The following RAB4A variants were observed in gnomAD, a reference collection of about 807,000 sequenced individuals.
RAB4A encodes the protein RAB4A, member RAS oncogene family.
Under a neutral mutation model 34.5 loss-of-function variants are expected in RAB4A, and 20 were observed. That is an observed-to-expected ratio of 0.58 (90% CI 0.41 to 0.84). The LOEUF is 0.84. RAB4A is among the 40% of genes least tolerant of loss of function. The pLI is 0.00. For missense variants in RAB4A, 228 were observed against 274.5 expected, an observed-to-expected ratio of 0.83 and a Z score of 1.20; for synonymous variants, 102 against 100.0, an observed-to-expected ratio of 1.02 and a Z score of -0.12.
At chr1:229,296,807 A>G (rs1657261772) in intron 4 of RAB4A, among the ~76,000 whole-genome samples, 1 of 152,230 alleles carries the variant, frequency 6.6e-6, no homozygotes, top group Non-Finnish European at 1.5e-5. Flanking sequence ...TTGCCCAGGC[A>G]GTGAAAGGCT....
Position 229,271,385 on chromosome 1 carries a change from C to T in RAB4A, c.31+15C>T. Reference sequence around the variant, plus strand: ...CGAAACCTACGGTACGAGGCCCGGGCTGGCGGGGCGCGCGGGTCGGGCCGC... The same window carrying T: ...CGAAACCTACGGTACGAGGCCCGGGTTGGCGGGGCGCGCGGGTCGGGCCGC... On this transcript the variant is annotated intron_variant, in intron 1 of 7. Transcript: ENST00000366690. The T allele has an allele frequency of 8.1e-7, 1 of 1,227,210 alleles. No individual in the cohort carries two copies. The highest frequency in any genetic ancestry group is 1.0e-6 in the Non-Finnish European group (1 of 984,486). The allele number at this position is 1,227,210 out of a possible 1,614,324, so 76.0% of individuals were successfully genotyped here.
At chr1:229,290,182 A>AGG (rs1170134433) in intron 3 of RAB4A, among the ~76,000 whole-genome samples, 1 of 152,214 alleles carries the variant, frequency 6.6e-6, no homozygotes, top group Non-Finnish European at 1.5e-5. Context: ...GTTCTACAGG[A>AGG]GGTAGAGGTT....
Position 229,271,239 on chromosome 1 carries a change from T to C in RAB4A, c.-101T>C. On this transcript the variant is annotated 5_prime_UTR_variant, in exon 1 of 8. Transcript: ENST00000366690. Reference sequence around the variant, plus strand: ...CGTGGGGACCGGTCGGGCCCCTCCCTCCTCCGGTCCCCCGCCCCAGGTCCT... The same window carrying C: ...CGTGGGGACCGGTCGGGCCCCTCCCCCCTCCGGTCCCCCGCCCCAGGTCCT... The C allele has an allele frequency of 1.7e-6, 2 of 1,152,886 alleles. No homozygotes were observed. Among genetic ancestry groups the C allele is most frequent in the Non-Finnish European group, 1.1e-6 (1 of 915,074 alleles). The allele number at this position is 1,152,886 out of a possible 1,614,324, so 71.4% of individuals were successfully genotyped here.
At chr1:229,291,379 A>C (rs1018194996) in intron 3 of RAB4A, among the ~76,000 whole-genome samples, 4 of 152,190 alleles carry the variant, frequency 2.6e-5, no homozygotes, top group Non-Finnish European at 5.9e-5. Flanking sequence ...TCCAGCTCAG[A>C]ATGGCACAGG....
At position 229,271,286 on chromosome 1, in the gene RAB4A, G is replaced by A. The variant is rs1656461260; in HGVS notation, c.-54G>A. ...TCCTTCCCCACCGAGACGCGCCGGC[G>A]GACCGCGGGCGAGTGCAGCCGGTGA... On this transcript the variant is annotated 5_prime_UTR_variant, in exon 1 of 8. Transcript: ENST00000366690. 7.5e-7 allele frequency: 1 copy of A among 1,325,798 alleles called. No individual in the cohort carries two copies. 82.1% of individuals were successfully genotyped at this position (1,325,798 alleles called of 1,614,324 possible).
At chr1:229,301,654 T>C (rs552825734) in intron 6 of RAB4A, among the ~76,000 whole-genome samples, 1 of 152,206 alleles carries the variant, frequency 6.6e-6, no homozygotes, top group East Asian at 1.9e-4. Context: ...TAAGTACCTC[T>C]AGGTGAAAAA....
chr1:229,302,293 ATATATATATATATATATTT>A (rs1170646053), intron 6 of RAB4A, among the ~76,000 whole-genome samples: 8 of 24,220 alleles, frequency 3.3e-4, no homozygotes, highest in African/African-American at 1.1e-3. Flanking sequence ...ATATATATAT[ATATATATATATATATATTT>A]TTTTTTTTTT....
chr1:229,302,307 ATATTTTT>A (rs1281739411), intron 6 of RAB4A, among the ~76,000 whole-genome samples: 55 of 34,954 alleles, frequency 1.6e-3, no homozygotes, highest in Admixed American at 4.1e-3. Flanking sequence ...ATATATATAT[ATATTTTT>A]TTTTTTTTTT....
In RAB4A at chr1:229,297,622, T is replaced by G. The variant is rs768777080; in HGVS notation, c.431T>G (p.Phe144Cys). The G allele has an allele frequency of 6.9e-6, 11 of 1,589,312 alleles. No homozygotes were observed. The African/African-American group carries it at 1.4e-4, about 20-fold the overall frequency. The change falls in exon 5 of 8, where the codon TTT becomes TGT. Residue 144 changes from phenylalanine (F) to cysteine (C), a missense_variant. Transcript: ENST00000366690. ...GTTACCTTCTTAGAAGCCTCCAGATTTGCTCAAGAAAATGGCAAGTGACCT... is the reference window on the plus strand; with the variant it reads ...GTTACCTTCTTAGAAGCCTCCAGATGTGCTCAAGAAAATGGCAAGTGACCT... ...REVTFLEASRFAQENELMFLE... is the reference protein window; with the variant it reads ...REVTFLEASRCAQENELMFLE...
chr1:229,293,137 G>A (rs1300515408), intron 3 of RAB4A, among the ~76,000 whole-genome samples: 1 of 152,236 alleles, frequency 6.6e-6, no homozygotes, highest in Non-Finnish European at 1.5e-5. Flanking sequence ...TTCAGGCACA[G>A]CCTGGTGGAG....
At position 229,304,468 on chromosome 1, in the gene RAB4A, G is replaced by A. The variant is rs544791083; in HGVS notation, c.*675G>A. On this transcript the variant is annotated 3_prime_UTR_variant, in exon 8 of 8. Coordinates refer to ENST00000366690, the MANE Select transcript of RAB4A (RefSeq NM_004578.4). ...CTCTTCATCCAGGTCAGTTCAGGAA[G>A]TATATCTGGAGTACCTGCTCTGTTT... 27 of 152,294 alleles carry A rather than the reference G, an allele frequency of 1.8e-4. No individual in the cohort carries two copies. The highest frequency in any genetic ancestry group is 6.3e-4 in the African/African-American group (26 of 41,560). The allele number at this position is 152,294 out of a possible 1,614,324, so 9.4% of individuals were successfully genotyped here.
In RAB4A at chr1:229,288,856, T is replaced by C. The variant is rs746545131; in HGVS notation, c.227+13T>C. ...AAGAACGATTCAGGTAGCTTTTCTC[T>C]AACTTAATAAAAATATTTGAAAATT... is the stretch of plus-strand genomic sequence containing the variant. On this transcript the variant is annotated intron_variant, in intron 3 of 7. Coordinates refer to ENST00000366690, the MANE Select transcript of RAB4A (RefSeq NM_004578.4). The C allele has an allele frequency of 4.2e-5, 58 of 1,375,592 alleles. No individual in the cohort carries two copies. In the Middle Eastern group the frequency reaches 9.0e-4, roughly 21 times the overall value. The allele number at this position is 1,375,592 out of a possible 1,614,324, so 85.2% of individuals were successfully genotyped here. A position where few individuals can be genotyped will look rare whatever the true frequency, so the allele number is the denominator to read the frequency against.
At chr1:229,297,766 GTTTTTT>G in intron 5 of RAB4A, 130 bp downstream of exon 5, 1 of 1,077,168 alleles carries the variant, frequency 9.3e-7, no homozygotes, top group Non-Finnish European at 1.3e-6. Flanking sequence ...ATTTCCAATT[GTTTTTT>G]TCTATAAATT....
intron 1 of RAB4A, among the ~76,000 whole-genome samples, chr1:229,277,922 T>C (rs1226734369): frequency 6.6e-6 from 1 of 151,404 alleles, no homozygotes; most frequent in Non-Finnish European, 1.5e-5. Context: ...TGGAGTGCAG[T>C]GGCATTATCT....
rs112378440 is a variant in RAB4A at position 229,283,729 on chromosome 1, C to CTT, written c.32-2744_32-2743dup. Among the ~76,000 whole-genome samples the CTT allele has an allele frequency of 3.1e-3, 442 of 141,642 alleles. 2 individuals carry two copies. The highest frequency in any genetic ancestry group is 0.011 in the African/African-American group (418 of 38,544). 92.9% of individuals were successfully genotyped at this position (141,642 alleles called of 152,430 possible). ...TTCTTTTGCTCCACTCTTTCAGAGT[C>CTT]TTTTTTTTTTTTTTGAGACGGAGTT... On this transcript the variant is annotated intron_variant, in intron 1 of 7. Coordinates refer to ENST00000366690, the MANE Select transcript of RAB4A (RefSeq NM_004578.4).
At chr1:229,280,556 A>AT (rs543034526) in intron 1 of RAB4A, among the ~76,000 whole-genome samples, 21 of 151,232 alleles carry the variant, frequency 1.4e-4, no homozygotes, top group Non-Finnish European at 2.7e-4. Context: ...AATATCACGT[A>AT]TTTTTTTTTC....
At position 229,305,673 on chromosome 1, in the gene RAB4A, A is replaced by G. The variant is rs1657531291; in HGVS notation, c.*1880A>G. On this transcript the variant is annotated 3_prime_UTR_variant, in exon 8 of 8. Transcript: ENST00000366690. ...AGGAAAGTAATTATTCAGTCTTCCT[A>G]GAAAAAGATTATAAAGACCATTTAA... The G allele has an allele frequency of 6.3e-6, 1 of 157,666 alleles. No individual in the cohort carries two copies. Among genetic ancestry groups the G allele is most frequent in the Non-Finnish European group, 1.4e-5 (1 of 71,878 alleles). 9.8% of individuals were successfully genotyped at this position (157,666 alleles called of 1,614,324 possible).
At chr1:229,281,997 T>C (rs865950462) in intron 1 of RAB4A, among the ~76,000 whole-genome samples, 4 of 152,140 alleles carry the variant, frequency 2.6e-5, no homozygotes, top group African/African-American at 4.8e-5. Context: ...GAAAGCCTAT[T>C]GTATTTGCCC....
intron 6 of RAB4A, among the ~76,000 whole-genome samples, chr1:229,301,081 G>C (rs926972968): frequency 6.7e-6 from 1 of 149,630 alleles, no homozygotes; most frequent in African/African-American, 2.4e-5. Context: ...TAGAAAGTCA[G>C]TGATCATTTT....
Sources: allele counts gnomAD v4.1 joint callset (sites outside exome capture counted in the v4.1 genomes callset), GRCh38; gene constraint gnomAD v4.1.1; transcripts MANE v1.5; gene names NCBI Gene and HGNC (gene_info 2026-07-23, HGNC 2026-07-21).